GLI3: variants seen among roughly 807,000 people sequenced by gnomAD.
GLI3 encodes the protein GLI family zinc finger 3, also known as transcription activator GLI3.
Under a neutral mutation model 100.8 loss-of-function variants are expected in GLI3, and 20 were observed. The ratio of observed to expected loss-of-function variants is 0.20; its 90% CI spans 0.14 to 0.29. The LOEUF (loss-of-function observed/expected upper bound fraction) is 0.29, where lower values mean the gene tolerates loss of function less well. GLI3 is among the 10% of genes least tolerant of loss of function. The probability of loss-of-function intolerance (pLI) is 1.00; values close to 1 mark genes in which losing one functional copy is unlikely to be tolerated. For synonymous variants in GLI3, 938 were observed against 860.5 expected, an observed-to-expected ratio of 1.09 and a Z score of -1.58; for missense variants, 2,040 against 2,128.5, an observed-to-expected ratio of 0.96 and a Z score of 0.82.
chr7:42,055,088 CATATAT>C (rs202155638), intron 4 of GLI3, among the ~76,000 whole-genome samples: 1 of 134,338 alleles, frequency 7.4e-6, no homozygotes, highest in African/African-American at 3.5e-5. Context: ...TGTATATATA[CATATAT>C]ACACATATAT....
intron 2 of GLI3, among the ~76,000 whole-genome samples, chr7:42,206,097 A>G (rs1282037156): frequency 1.3e-5 from 2 of 151,990 alleles, no homozygotes; most frequent in African/African-American, 4.8e-5. Context: ...GTGAAACCCC[A>G]TCTCTACTAA....
chr7:42,019,847 T>G (rs2128729125), intron 10 of GLI3, among the ~76,000 whole-genome samples: 1 of 152,254 alleles, frequency 6.6e-6, no homozygotes. Flanking sequence ...TTTTGTTTCC[T>G]TCAGTTTTAA....
chr7:42,243,573 C>T lies in GLI3; in HGVS notation c.-42-20278G>A, dbSNP rs879430021. ...TTGCCCATCTGTGAATTGGAGATAA[C>T]GATATTCATCTCACAGAGTCATTGT... On this transcript the variant is annotated intron_variant, in intron 1 of 2. Transcript: ENST00000678978. Among the ~76,000 whole-genome samples the T allele has an allele frequency of 5.3e-5, 8 of 152,130 alleles. 1 individual carries two copies. In the South Asian group the frequency reaches 1.0e-3, roughly 20 times the overall value.
intron 2 of GLI3, among the ~76,000 whole-genome samples, chr7:42,206,285 TAATAAC>T (rs1465115217): frequency 1.3e-5 from 2 of 150,608 alleles, no homozygotes. Context: ...ATAATAATAA[TAATAAC>T]AATAATAATA....
intron 10 of GLI3, among the ~76,000 whole-genome samples, chr7:42,002,870 A>T (rs1191880134): frequency 6.6e-6 from 1 of 152,208 alleles, no homozygotes; most frequent in Non-Finnish European, 1.5e-5. Flanking sequence ...CTGGAAAATG[A>T]GGCTAATGAT....
chr7:41,964,440 G>C lies in GLI3; in HGVS notation c.4633C>G (p.Leu1545Val). 1.2e-6 allele frequency: 2 copies of C among 1,614,144 alleles called. No individual in the cohort carries two copies. Among genetic ancestry groups the C allele is most frequent in the East Asian group, 2.2e-5 (1 of 44,878 alleles). The change falls in exon 15 of 15, where the codon CTC becomes GTC. Residue 1545 changes from leucine (L) to valine (V), a missense_variant. By Grantham distance (32) the Leu-to-Val change is conservative. Around this residue, in one of 5 missense-constraint regions of GLI3, gnomAD observed 1,041 missense variants for 924.0 expected, o/e 1.13. Transcript: ENST00000395925. ...SSRLTTPRAS[L>V]PFPALSMSTT... ...CTCATGGACAGCGCTGGGAATGGGAGGGACGCCCGAGGCGTGGTGAGGCGG... is the reference window on the plus strand; with the variant it reads ...CTCATGGACAGCGCTGGGAATGGGACGGACGCCCGAGGCGTGGTGAGGCGG...
intron 10 of GLI3, among the ~76,000 whole-genome samples, chr7:41,998,750 C>A (rs1243921387): frequency 2.0e-5 from 3 of 152,224 alleles, no homozygotes; most frequent in African/African-American, 7.2e-5. Flanking sequence ...ACATTACTCA[C>A]CAAATTATTC....
At position 42,026,358 on chromosome 7, in the gene GLI3, C is replaced by T; in HGVS notation, c.1083G>A (p.Gln361=). ...AGCTCTGTTGTCGGCTTAGGATCTG[C>T]TGATGCATGTGGAGAGAGACGGGCG... ...SSAPVSLHMH[Q]QILSRQQSLG... is the part of the protein sequence containing the mutation. Residue 361 remains glutamine, a synonymous_variant, in exon 8 of 15, where the codon CAG becomes CAA. Transcript: ENST00000395925. 1 of 1,614,124 alleles carries T rather than the reference C, an allele frequency of 6.2e-7. No individual in the cohort carries two copies. The highest frequency in any genetic ancestry group is 8.5e-7 in the Non-Finnish European group (1 of 1,180,016).
chr7:42,259,606 T>C (rs1789119284), intron 1 of GLI3, among the ~76,000 whole-genome samples: 1 of 152,208 alleles, frequency 6.6e-6, no homozygotes, highest in African/African-American at 2.4e-5. Flanking sequence ...GATATTAGCA[T>C]TCAGTCTACA....
chr7:42,020,010 AAATT>A (rs1462030449), intron 10 of GLI3, among the ~76,000 whole-genome samples: 1 of 152,186 alleles, frequency 6.6e-6, no homozygotes, highest in African/African-American at 2.4e-5. Context: ...CTGGAAAGAG[AAATT>A]AATTAAACAT....
At chr7:41,997,301 T>C (rs1476376392) in intron 10 of GLI3, among the ~76,000 whole-genome samples, 2 of 152,134 alleles carry the variant, frequency 1.3e-5, no homozygotes, top group East Asian at 3.9e-4. Context: ...ACATTATTTA[T>C]GGAAAGAATT....
rs1042911391 is a variant in GLI3, at chr7:41,988,199, C to T, written c.1498-9451G>A. On this transcript the variant is annotated intron_variant, in intron 10 of 14. Transcript: ENST00000395925. The stretch of plus-strand genomic sequence containing the variant: ...GGCCTTGGCCAGGCACGGTGGCTCA[C>T]GCCTGTAATCCTAGCACTTTAGGAG... Among the ~76,000 whole-genome samples, 25 of 152,272 alleles carry T rather than the reference C, an allele frequency of 1.6e-4. 1 individual carries two copies. The East Asian group carries it at 3.1e-3, about 19-fold the overall frequency.
rs534711327 is a variant in GLI3 at position 42,029,442 on chromosome 7, G to A, written c.1029-3030C>T. On this transcript the variant is annotated intron_variant, in intron 7 of 14. Transcript: ENST00000395925. ...CAAGAGTCGCAGACAAAATGCCCAT[G>A]AGAAAGGATGCCTCCCACGCATACC... 4.7e-4 allele frequency among the ~76,000 whole-genome samples: 71 copies of A among 152,296 alleles called. No homozygotes were observed. In the South Asian group the frequency reaches 0.01, roughly 22 times the overall value.
Position 41,964,398 on chromosome 7 carries a change from T to C in GLI3, c.4675A>G (p.Ile1559Val), listed in dbSNP as rs1583727133. Residue 1559 changes from isoleucine (I) to valine (V), a missense_variant, in exon 15 of 15, where the codon ATC (isoleucine) becomes GTC (valine). Physicochemically the swap from Ile to Val is conservative, Grantham distance 29. This residue lies in a region of GLI3 where 1,041 missense variants were observed against 924.0 expected (regional missense o/e 1.13). Transcript: ENST00000395925. ...GTCAGCAAAGAACTCATGTCCCCGA[T>C]AGCCATGTTGGTGGTGCTCATGGAC... ...ALSMSTTNMA[I>V]GDMSSLLTSL... 5.0e-6 allele frequency: 8 copies of C among 1,613,996 alleles called. No homozygotes were observed. The highest frequency in any genetic ancestry group is 1.1e-5 in the South Asian group (1 of 91,084).
intron 6 of GLI3, among the ~76,000 whole-genome samples, chr7:42,044,049 A>G (rs933807529): frequency 2.6e-5 from 4 of 152,222 alleles, no homozygotes; most frequent in Admixed American, 6.5e-5. Flanking sequence ...TTGTGTTCCA[A>G]TGAAACACAC....
chr7:42,022,309 C>T (rs1167920706), intron 10 of GLI3, among the ~76,000 whole-genome samples: 2 of 152,058 alleles, frequency 1.3e-5, no homozygotes, highest in African/African-American at 2.4e-5. Flanking sequence ...TGGGATGCGC[C>T]GAGTTGCAAG....
chr7:41,973,096 T>G lies in GLI3; in HGVS notation c.1813-469A>C, dbSNP rs189238485. On this transcript the variant is annotated intron_variant, in intron 12 of 14. Coordinates refer to ENST00000395925, the MANE Select transcript of GLI3 (RefSeq NM_000168.6). ...TTTTATGGATGTCCTGGTTGTGAGATCTAATATCACTCTGATCCTTTTGAA... is the reference window on the plus strand; with the variant it reads ...TTTTATGGATGTCCTGGTTGTGAGAGCTAATATCACTCTGATCCTTTTGAA... 7.2e-5 allele frequency among the ~76,000 whole-genome samples: 11 copies of G among 152,334 alleles called. No homozygotes were observed. The East Asian group carries it at 1.9e-3, about 27-fold the overall frequency.
intron 3 of GLI3, among the ~76,000 whole-genome samples, chr7:42,091,219 C>T (rs144292922): frequency 2.0e-5 from 3 of 152,382 alleles, no homozygotes; most frequent in Non-Finnish European, 2.9e-5. Context: ...AGTACTCCCA[C>T]TTCCAACCTT....
At chr7:42,191,100 AATGTT>A (rs200817750) in intron 2 of GLI3, among the ~76,000 whole-genome samples, 4,704 of 152,274 alleles carry the variant, frequency 0.031, 108 homozygotes, top group Non-Finnish European at 0.047. Context: ...AAGCCAGTTC[AATGTT>A]ACATAAAACA....
Sources: gnomAD v4.1 joint callset for allele counts (sites outside exome capture counted in the v4.1 genomes callset) on GRCh38, gnomAD v4.1.1 for gene constraint, gnomAD v4.1.1 regional missense constraint, MANE v1.5 for transcripts, NCBI Gene and HGNC (gene_info 2026-07-23, HGNC 2026-07-21) for gene names.